Variants in PRR5 observed in about 807,000 individuals in gnomAD.
PRR5 encodes the protein proline-rich protein 5.
A neutral mutation model predicts 30.6 loss-of-function variants in PRR5; 25 were observed. That is an observed-to-expected ratio of 0.82 (90% CI 0.60 to 1.14). The LOEUF is 1.14. Among genes scored for constraint, PRR5 ranks in the 50% most tolerant of loss-of-function variants. The pLI, the probability that PRR5 is intolerant of heterozygous loss-of-function variation, is 0.00. For missense variants in PRR5, 600 were observed against 547.1 expected (o/e 1.10, Z -0.96); for synonymous variants, 286 against 247.1 (o/e 1.16, Z -1.48).
At chr22:44,701,499 C>T (rs1032360253), upstream of PRR5, among the ~76,000 whole-genome samples, 4 of 152,234 alleles carry the variant, frequency 2.6e-5, no homozygotes, top group African/African-American at 9.6e-5. Flanking sequence ...AAGTGCTCTG[C>T]GAAGCAGGCA....
upstream of PRR5, among the ~76,000 whole-genome samples, chr22:44,672,925 C>A (rs1036635453): frequency 1.3e-5 from 2 of 152,214 alleles, no homozygotes; most frequent in Non-Finnish European, 2.9e-5. Flanking sequence ...TGCTCCACCC[C>A]ACTACACAGC....
rs1247224728 is a variant in PRR5, at chr22:44,702,216, C to A, written c.-259C>A. ...CGGGTCCGCCCCCGGCCTCCGTTTGCGCCGGGTCTGTGCTGGCCGCGCGCC... is the reference window on the plus strand; with the variant it reads ...CGGGTCCGCCCCCGGCCTCCGTTTGAGCCGGGTCTGTGCTGGCCGCGCGCC... On this transcript the variant is annotated 5_prime_UTR_variant, in exon 1 of 8. Coordinates refer to ENST00000336985, the MANE Select transcript of PRR5 (RefSeq NM_181333.4). 19 of 1,071,474 alleles carry A rather than the reference C, an allele frequency of 1.8e-5. No individual in the cohort carries two copies. Among genetic ancestry groups the A allele is most frequent in the Non-Finnish European group, 2.0e-5 (18 of 880,786 alleles). 66.4% of individuals were successfully genotyped at this position (1,071,474 alleles called of 1,614,324 possible). A position where few individuals can be genotyped will look rare whatever the true frequency, so the allele number is the denominator to read the frequency against.
intron 1 of PRR5, among the ~76,000 whole-genome samples, chr22:44,677,576 C>T (rs1395319021): frequency 1.3e-5 from 2 of 152,226 alleles, no homozygotes; most frequent in African/African-American, 4.8e-5. Context: ...GGTTCAGATT[C>T]TTTTGTTCAC....
chr22:44,732,777 G>T (rs1922301787), intron 6 of PRR5, among the ~76,000 whole-genome samples: 1 of 144,024 alleles, frequency 6.9e-6, no homozygotes, highest in Non-Finnish European at 1.5e-5. Context: ...ACATGCCTGT[G>T]TGCACGCACA....
At chr22:44,707,125 C>A (rs1198522118) in intron 1 of PRR5, among the ~76,000 whole-genome samples, 6 of 152,236 alleles carry the variant, frequency 3.9e-5, no homozygotes, top group African/African-American at 7.2e-5. Context: ...TCCTCAAGGG[C>A]CCCTGTCCCT....
chr22:44,707,223 G>A (rs143143552), intron 1 of PRR5, among the ~76,000 whole-genome samples: 7 of 152,348 alleles, frequency 4.6e-5, no homozygotes, highest in Admixed American at 2.6e-4. Context: ...TATGAAGGCC[G>A]TGCTCTTGGG....
chr22:44,675,889 G>C (rs1039868942), upstream of PRR5, among the ~76,000 whole-genome samples: 2 of 151,798 alleles, frequency 1.3e-5, no homozygotes, highest in African/African-American at 4.8e-5. Context: ...GCCACGATCA[G>C]TCATGTTTAT....
At chr22:44,677,539 C>T (rs1028275282) in intron 1 of PRR5, among the ~76,000 whole-genome samples, 3 of 152,254 alleles carry the variant, frequency 2.0e-5, no homozygotes, top group Non-Finnish European at 4.4e-5. Context: ...CTTCCTACTG[C>T]TGCATGGGGT....
chr22:44,678,189 G>A (rs5765893), intron 1 of PRR5, among the ~76,000 whole-genome samples: 79,120 of 151,874 alleles, frequency 0.52, 20,853 homozygotes, highest in East Asian at 0.78. Flanking sequence ...TGTTGCACCC[G>A]CTCACCACCT....
chr22:44,735,456 C>T (rs140005779), intron 7 of PRR5, among the ~76,000 whole-genome samples: 26 of 152,298 alleles, frequency 1.7e-4, no homozygotes, highest in African/African-American at 2.6e-4. Context: ...GTGGGCCAGG[C>T]GGAGTGCTCG....
intron 1 of PRR5, among the ~76,000 whole-genome samples, chr22:44,693,616 C>CTTTTTTT (rs1228023916): frequency 3.3e-5 from 3 of 90,566 alleles, no homozygotes; most frequent in Admixed American, 1.6e-4. Flanking sequence ...TTCACATGGA[C>CTTTTTTT]TTTTTTTTTT....
chr22:44,734,848 A>G (rs1922900373), intron 6 of PRR5, 179 bp from the exon 7 acceptor site: 1 of 784,936 alleles, frequency 1.3e-6, no homozygotes, highest in South Asian at 1.8e-5. Flanking sequence ...CTCAGGCCAC[A>G]TGCTCTGAGA....
chr22:44,713,328 C>T (rs1031020733), intron 1 of PRR5, among the ~76,000 whole-genome samples: 2 of 152,214 alleles, frequency 1.3e-5, no homozygotes, highest in African/African-American at 4.8e-5. Context: ...ACTTCCCGAC[C>T]TCAGGTGATT....
At chr22:44,699,898 C>T (rs368048757), upstream of PRR5, among the ~76,000 whole-genome samples, 18 of 150,358 alleles carry the variant, frequency 1.2e-4, no homozygotes, top group African/African-American at 4.4e-4. Flanking sequence ...TCAGTACATG[C>T]TTTAGTATTT....
chr22:44,673,073 T>G (rs1923518978), upstream of PRR5, among the ~76,000 whole-genome samples: 1 of 152,230 alleles, frequency 6.6e-6, no homozygotes, highest in Non-Finnish European at 1.5e-5. Context: ...ATCTGCTGGG[T>G]TGGTTAAAGG....
upstream of PRR5, among the ~76,000 whole-genome samples, chr22:44,698,798 G>A (rs540153508): frequency 1.7e-4 from 26 of 152,338 alleles, no homozygotes; most frequent in African/African-American, 5.3e-4. Flanking sequence ...ATTTTCCTCC[G>A]ACGCTGCAGG....
upstream of PRR5, among the ~76,000 whole-genome samples, chr22:44,699,118 A>C (rs556615291): frequency 6.6e-6 from 1 of 152,246 alleles, no homozygotes; most frequent in East Asian, 1.9e-4. Context: ...TTTTTTAAAG[A>C]TCTCTTTAAA....
chr22:44,714,822 G>T, intron 2 of PRR5, 151 bp downstream of exon 2: 1 of 1,108,924 alleles, frequency 9.0e-7, no homozygotes, highest in Non-Finnish European at 1.3e-6. Flanking sequence ...CGAGGCCCAA[G>T]TTAGCAGTGG....
intron 5 of PRR5, among the ~76,000 whole-genome samples, chr22:44,732,045 T>A (rs761412225): frequency 2.0e-5 from 3 of 152,192 alleles, no homozygotes; most frequent in Non-Finnish European, 4.4e-5. Flanking sequence ...AGGCACAGCG[T>A]AGGGGCTCTG....
Sources: gnomAD v4.1 joint callset for allele counts (sites outside exome capture counted in the v4.1 genomes callset) on GRCh38, gnomAD v4.1.1 for gene constraint, MANE v1.5 for transcripts, NCBI Gene and HGNC (gene_info 2026-07-23, HGNC 2026-07-21) for gene names.